COL4A3: variants seen among roughly 807,000 people sequenced by gnomAD.
The protein encoded by COL4A3 is collagen alpha-3(IV) chain.
A neutral mutation model predicts 217.4 loss-of-function variants in COL4A3; 135 were observed. The observed-to-expected ratio is 0.62, with a 90% CI of 0.54 to 0.72. COL4A3 has a LOEUF of 0.72. Among genes scored for constraint, COL4A3 ranks in the 30% least tolerant of loss-of-function variants. The probability of loss-of-function intolerance (pLI) is 0.00; values close to 1 mark genes in which losing one functional copy is unlikely to be tolerated. For synonymous variants in COL4A3, 690 were observed against 736.3 expected (o/e 0.94, Z 1.02); for missense variants, 1,868 against 2,119.9 (o/e 0.88, Z 2.33).
chr2:227,265,289 G>A (rs1012915909), intron 21 of COL4A3: 1 of 152,164 alleles, frequency 6.6e-6, no homozygotes, highest in Non-Finnish European at 1.5e-5. Context: ...GACCTTCCAG[G>A]TATTTTAAAG....
At chr2:227,222,285 C>G (rs1357379271) in intron 1 of COL4A3, 1 of 152,126 alleles carries the variant, frequency 6.6e-6, no homozygotes, top group East Asian at 1.9e-4. Flanking sequence ...TGCACATTTT[C>G]CTTTTCTGGC....
At chr2:227,256,192 C>A in intron 16 of COL4A3, 122 bp downstream of exon 16, 1 of 1,184,510 alleles carries the variant, frequency 8.4e-7, no homozygotes, top group Non-Finnish European at 1.3e-6. Flanking sequence ...TTAAAAACTG[C>A]ATTTGGGAAT....
chr2:227,273,548 C>A (rs2071370689), intron 26 of COL4A3, among the ~76,000 whole-genome samples: 1 of 152,098 alleles, frequency 6.6e-6, no homozygotes, highest in Non-Finnish European at 1.5e-5. Context: ...GGGCTACAGG[C>A]ACGTGTCACC....
At chr2:227,283,024 T>C (rs1458490195) in intron 32 of COL4A3, among the ~76,000 whole-genome samples, 2 of 152,246 alleles carry the variant, frequency 1.3e-5, no homozygotes, top group Admixed American at 6.5e-5. Flanking sequence ...AGTCTCTAAA[T>C]GACTAATTCA....
intron 1 of COL4A3, among the ~76,000 whole-genome samples, chr2:227,168,836 G>A (rs1016553142): frequency 1.4e-4 from 21 of 151,840 alleles, no homozygotes; most frequent in South Asian, 4.2e-4. Flanking sequence ...ATGACAAATC[G>A]TCCCAACATT....
intron 1 of COL4A3, among the ~76,000 whole-genome samples, chr2:227,214,221 A>G (rs572244358): frequency 4.9e-4 from 74 of 152,314 alleles, no homozygotes; most frequent in Admixed American, 2.7e-3. Context: ...GTCTGTGTGG[A>G]GTCTAAATAT....
At chr2:227,171,619 A>G (rs1320768640) in intron 1 of COL4A3, among the ~76,000 whole-genome samples, 2 of 152,132 alleles carry the variant, frequency 1.3e-5, no homozygotes, top group Non-Finnish European at 2.9e-5. Flanking sequence ...TACTTCTCAC[A>G]GTTCTGGAGG....
chr2:227,240,482 T>C (rs889673067), intron 3 of COL4A3, among the ~76,000 whole-genome samples: 1 of 152,198 alleles, frequency 6.6e-6, no homozygotes, highest in Non-Finnish European at 1.5e-5. Context: ...AGTGTCTACA[T>C]CTGCATCTGT....
intron 9 of COL4A3, 46 bp downstream of exon 9, chr2:227,248,566 C>A (rs755773167): frequency 3.2e-6 from 4 of 1,245,598 alleles, no homozygotes; most frequent in Admixed American, 3.4e-5. Flanking sequence ...GTTTTTCACT[C>A]TCTCTCTCTC....
chr2:227,269,986 A>T lies in COL4A3; in HGVS notation c.1575+6A>T. ...CAGGTCTTCCAGGATTTCCAGTAAGATTTCATGTTTTTAAATCTTTAGCTT... is the reference window on the plus strand; with the variant it reads ...CAGGTCTTCCAGGATTTCCAGTAAGTTTTCATGTTTTTAAATCTTTAGCTT... On this transcript the variant is annotated splice_donor_region_variant and intron_variant, in intron 24 of 51. Transcript: ENST00000396578. The T allele has an allele frequency of 1.2e-6, 2 of 1,612,414 alleles. No homozygotes were observed. The highest frequency in any genetic ancestry group is 1.7e-6 in the Non-Finnish European group (2 of 1,178,746).
rs1446576326 is a variant in COL4A3 at position 227,253,798 on chromosome 2, T to C, written c.765+160T>C. Among the ~76,000 whole-genome samples, 2 of 152,076 alleles carry C rather than the reference T, an allele frequency of 1.3e-5. No homozygotes were observed. Among genetic ancestry groups the C allele is most frequent in the East Asian group, 3.8e-4 (2 of 5,202 alleles). On this transcript the variant is annotated intron_variant, in intron 13 of 51. Transcript: ENST00000396578. The surrounding 1 kb of genome is among the most constrained non-coding windows in gnomAD (Gnocchi z 4.4). ...CCAGGATTGATTCCTTCCCGTCCTT[T>C]ACTCATAAATCCTGGAAATATTACA...
chr2:227,282,381 G>A lies in COL4A3; in HGVS notation c.2505G>A (p.Thr835=), dbSNP rs773775225. 17 of 1,611,942 alleles carry A rather than the reference G, an allele frequency of 1.1e-5. No individual in the cohort carries two copies. The highest frequency in any genetic ancestry group is 5.5e-5 in the South Asian group (5 of 90,972). ...CGTACACAGGCAGAAGAGGTAAAAC[G>A]GGGCCAAAGGGAGACCCAGGAATTC... ...LKGQQGRRGK[T]GPKGDPGIPG... is the part of the protein sequence containing the mutation. Residue 835 remains threonine, a synonymous_variant, in exon 32 of 52, where the codon ACG becomes ACA. Coordinates refer to ENST00000396578, the MANE Select transcript of COL4A3 (RefSeq NM_000091.5). This position sits in a 1 kb window ranked among gnomAD's most constrained non-coding sequence, Gnocchi z 4.4.
intron 14 of COL4A3, 55 bp from the exon 15 acceptor site, chr2:227,254,601 T>A: frequency 7.6e-7 from 1 of 1,311,900 alleles, no homozygotes; most frequent in South Asian, 1.2e-5. Flanking sequence ...TAAAAATCAA[T>A]GTAAGTAAAA....
chr2:227,235,561 CT>C (rs1341928383), intron 1 of COL4A3, among the ~76,000 whole-genome samples: 2 of 152,160 alleles, frequency 1.3e-5, no homozygotes, highest in Non-Finnish European at 2.9e-5. Flanking sequence ...ACAGTGTACA[CT>C]GTACCCAGTG....
At chr2:227,256,190 T>G in intron 16 of COL4A3, 120 bp downstream of exon 16, 1 of 1,196,850 alleles carries the variant, frequency 8.4e-7, no homozygotes, top group East Asian at 2.4e-5. Context: ...TTTTAAAAAC[T>G]GCATTTGGGA....
At chr2:227,196,608 C>T (rs1334952611) in intron 1 of COL4A3, among the ~76,000 whole-genome samples, 1 of 152,116 alleles carries the variant, frequency 6.6e-6, no homozygotes, top group Non-Finnish European at 1.5e-5. Flanking sequence ...TAAGCCACTG[C>T]GCCTGGCCGT....
rs1406271109 is a variant in COL4A3, at chr2:227,289,260, T to A, written c.2980+12T>A. 1 of 1,602,966 alleles carries A rather than the reference T, an allele frequency of 6.2e-7. No individual in the cohort carries two copies. Among genetic ancestry groups the A allele is most frequent in the East Asian group, 2.2e-5 (1 of 44,800 alleles). ...AGCAGGACCACCAGGTACAGCTGAT[T>A]CTCAAATAGAAAAATATCACATTTT... On this transcript the variant is annotated intron_variant, in intron 35 of 51. Transcript: ENST00000396578.
At position 227,234,265 on chromosome 2, in the gene COL4A3, C is replaced by T. The variant is rs181257618; in HGVS notation, c.88-3703C>T. Among the ~76,000 whole-genome samples the T allele has an allele frequency of 3.3e-5, 5 of 152,226 alleles. No homozygotes were observed. The South Asian group carries it at 8.3e-4, about 25-fold the overall frequency. On this transcript the variant is annotated intron_variant, in intron 1 of 51. Transcript: ENST00000396578. ...GTTGGTGAACTTAGATGGGAGGAGACACCAGTGTTTCCGGTACTGTTTGTC... is the reference window on the plus strand; with the variant it reads ...GTTGGTGAACTTAGATGGGAGGAGATACCAGTGTTTCCGGTACTGTTTGTC...
In COL4A3 at chr2:227,203,130, CAT is replaced by C. The variant is rs1418625897; in HGVS notation, c.88-34833_88-34832del. On this transcript the variant is annotated intron_variant, in intron 1 of 51. Transcript: ENST00000396578. ...ATATGTGTATATATGTGTATATATA[CAT>C]ATATGTGTATATATGTGTATATATA... Among the ~76,000 whole-genome samples the C allele has an allele frequency of 8.4e-5, 2 of 23,866 alleles. 1 individual carries two copies. Among genetic ancestry groups the C allele is most frequent in the Non-Finnish European group, 1.6e-4 (2 of 12,356 alleles). 15.7% of individuals were successfully genotyped at this position (23,866 alleles called of 152,430 possible). A position where few individuals can be genotyped will look rare whatever the true frequency, so the allele number is the denominator to read the frequency against.
Sources: gnomAD v4.1 joint callset for allele counts (sites outside exome capture counted in the v4.1 genomes callset) on GRCh38, gnomAD v4.1.1 for gene constraint, Gnocchi (gnomAD v3.1) non-coding constraint, MANE v1.5 for transcripts, NCBI Gene and HGNC (gene_info 2026-07-23, HGNC 2026-07-21) for gene names.